PAMR1: variants seen among roughly 807,000 people sequenced by gnomAD.
The protein encoded by PAMR1 is peptidase domain containing associated with muscle regeneration 1.
A neutral mutation model predicts 81.8 loss-of-function variants in PAMR1; 88 were observed. The ratio of observed to expected loss-of-function variants is 1.08; its 90% CI spans 0.91 to 1.28. The LOEUF (loss-of-function observed/expected upper bound fraction) is 1.28. PAMR1 is among the 50% of genes most tolerant of loss of function. The pLI is 0.00. For missense variants in PAMR1, 935 were observed against 919.7 expected (o/e 1.02, Z -0.21); for synonymous variants, 336 against 345.3 (o/e 0.97, Z 0.30).
Position 35,484,433 on chromosome 11 carries a change from C to T in PAMR1, c.379+7612G>A, listed in dbSNP as rs572209632. ...GAGATGAGGCAGCTTTCAGTAACTCCACCCTAGGCGATTCCGCAGCTCCCC... is the reference window on the plus strand; with the variant it reads ...GAGATGAGGCAGCTTTCAGTAACTCTACCCTAGGCGATTCCGCAGCTCCCC... On this transcript the variant is annotated intron_variant, in intron 3 of 10. Coordinates refer to ENST00000619888, the MANE Select transcript of PAMR1 (RefSeq NM_001001991.3). Among the ~76,000 whole-genome samples the T allele has an allele frequency of 2.1e-4, 32 of 152,340 alleles. No homozygotes were observed. The South Asian group carries it at 6.2e-3, about 30-fold the overall frequency.
intron 5 of PAMR1, 136 bp from the exon 6 acceptor site, chr11:35,468,244 G>A (rs1419791857): frequency 5.2e-6 from 3 of 581,878 alleles, no homozygotes; most frequent in Non-Finnish European, 9.3e-6. Flanking sequence ...CTGAATTCAT[G>A]TTATGATTAT....
At chr11:35,522,214 G>GC (rs1177923997) in intron 1 of PAMR1, among the ~76,000 whole-genome samples, 3 of 152,122 alleles carry the variant, frequency 2.0e-5, no homozygotes, top group Non-Finnish European at 4.4e-5. Flanking sequence ...GAGCCACTGC[G>GC]CCTGCCTCAA....
At position 35,525,561 on chromosome 11, in the gene PAMR1, A is replaced by G; in HGVS notation, c.25T>C (p.Leu9=). 1 of 1,613,906 alleles carries G rather than the reference A, an allele frequency of 6.2e-7. No homozygotes were observed. Among genetic ancestry groups the G allele is most frequent in the South Asian group, 1.1e-5 (1 of 91,022 alleles). The change falls in exon 1 of 11, where the codon TTG becomes CTG. Residue 9 remains leucine, a synonymous_variant. Transcript: ENST00000619888. ...AGGAGCTGAAGAAAAGTGAGCCCCA[A>G]CTGCGTCCAGCAACCCAGCTCCATC... MELGCWTQ[L]GLTFLQLLLI... is the part of the protein sequence containing the mutation.
chr11:35,470,764 C>T lies in PAMR1; in HGVS notation c.549G>A (p.Glu183=), dbSNP rs747539428. The change falls in exon 5 of 11, where the codon GAG becomes GAA. Residue 183 remains glutamate, a synonymous_variant. Coordinates refer to ENST00000619888, the MANE Select transcript of PAMR1 (RefSeq NM_001001991.3). The stretch of plus-strand genomic sequence containing the variant: ...CATCGCGGTTGTCTCCATCACGAAC[C>T]TCAACATAGTCATACTGGCACATGT... ...FDYMCQYDYV[E]VRDGDNRDGQ... 6.2e-7 allele frequency: 1 copy of T among 1,614,140 alleles called. No homozygotes were observed. The highest frequency in any genetic ancestry group is 8.5e-7 in the Non-Finnish European group (1 of 1,179,994).
chr11:35,435,934 C>CT lies in PAMR1; in HGVS notation c.1301dup (p.Trp435ValfsTer16). The CT allele has an allele frequency of 6.2e-7, 1 of 1,614,220 alleles. No homozygotes were observed. Among genetic ancestry groups the CT allele is most frequent in the Non-Finnish European group, 8.5e-7 (1 of 1,180,022 alleles). ...TGCAGGATGGTGCCCGCCCACTCCA[C>CT]TTCCCAGTCCTCAGACATGTCCTCC... On this transcript the variant is annotated frameshift_variant, in exon 9 of 11. Transcript: ENST00000619888. LOFTEE classifies it high-confidence loss of function.
At chr11:35,490,611 A>AC (rs1011310180) in intron 3 of PAMR1, among the ~76,000 whole-genome samples, 1 of 152,178 alleles carries the variant, frequency 6.6e-6, no homozygotes, top group African/African-American at 2.4e-5. Context: ...ACATAGTAGG[A>AC]CCCCATCTCG....
chr11:35,464,355 C>A (rs1856719500), intron 6 of PAMR1, among the ~76,000 whole-genome samples: 1 of 152,102 alleles, frequency 6.6e-6, no homozygotes, highest in Non-Finnish European at 1.5e-5. Context: ...AACATGGGGA[C>A]TGAAAATAAA....
chr11:35,472,496 G>A (rs1342107266), intron 4 of PAMR1, among the ~76,000 whole-genome samples: 1 of 152,188 alleles, frequency 6.6e-6, no homozygotes, highest in Non-Finnish European at 1.5e-5. Flanking sequence ...TAGATAATAA[G>A]CAAGGAGACT....
intron 6 of PAMR1, among the ~76,000 whole-genome samples, chr11:35,445,771 A>G (rs1387446881): frequency 6.6e-6 from 1 of 152,214 alleles, no homozygotes; most frequent in East Asian, 1.9e-4. Flanking sequence ...GATGTTTATC[A>G]GGGATATTGG....
rs558913411 is a variant in PAMR1, at chr11:35,480,972, G to C, written c.380-6228C>G. Among the ~76,000 whole-genome samples the C allele has an allele frequency of 2.6e-5, 4 of 152,286 alleles. No homozygotes were observed. The South Asian group carries it at 6.2e-4, about 24-fold the overall frequency. ...ATGTGGTGGTTGGTTTTCTGTTCCTGTGTTAGTTTGCTGAGGATGATGGCT... is the reference window on the plus strand; with the variant it reads ...ATGTGGTGGTTGGTTTTCTGTTCCTCTGTTAGTTTGCTGAGGATGATGGCT... On this transcript the variant is annotated intron_variant, in intron 3 of 10. Coordinates refer to ENST00000619888, the MANE Select transcript of PAMR1 (RefSeq NM_001001991.3).
intron 6 of PAMR1, among the ~76,000 whole-genome samples, chr11:35,446,543 T>C (rs1436386808): frequency 6.6e-6 from 1 of 152,222 alleles, no homozygotes; most frequent in Non-Finnish European, 1.5e-5. Flanking sequence ...TGTCTGTTTG[T>C]TCTCATTGGT....
chr11:35,460,048 C>T (rs1025909706), intron 6 of PAMR1, among the ~76,000 whole-genome samples: 3 of 152,236 alleles, frequency 2.0e-5, no homozygotes, highest in Non-Finnish European at 4.4e-5. Context: ...TGCTTTAGTA[C>T]ATGGATACCA....
chr11:35,477,863 G>A (rs1850310539), intron 3 of PAMR1, among the ~76,000 whole-genome samples: 1 of 152,050 alleles, frequency 6.6e-6, no homozygotes, highest in Non-Finnish European at 1.5e-5. Context: ...ATTTTTGCCC[G>A]CTCCCTTTTT....
At chr11:35,478,959 C>T (rs1850332286) in intron 3 of PAMR1, among the ~76,000 whole-genome samples, 1 of 152,114 alleles carries the variant, frequency 6.6e-6, no homozygotes, top group Admixed American at 6.6e-5. Context: ...CGTGCCCAAA[C>T]AGGAGGGGCG....
At chr11:35,500,244 C>T (rs1008342627) in intron 1 of PAMR1, among the ~76,000 whole-genome samples, 3 of 152,182 alleles carry the variant, frequency 2.0e-5, no homozygotes. Flanking sequence ...GACTAACATA[C>T]TGGGACTTCT....
chr11:35,468,665 A>G (rs1422726007), intron 5 of PAMR1, among the ~76,000 whole-genome samples: 1 of 152,134 alleles, frequency 6.6e-6, no homozygotes, highest in African/African-American at 2.4e-5. Flanking sequence ...CTGACATTCA[A>G]TGCTAATTAA....
At chr11:35,523,661 C>T (rs1851327048) in intron 1 of PAMR1, among the ~76,000 whole-genome samples, 1 of 152,234 alleles carries the variant, frequency 6.6e-6, no homozygotes, top group Non-Finnish European at 1.5e-5. Flanking sequence ...GGGCCAGATT[C>T]AGCATCCCAG....
chr11:35,511,446 T>C (rs574537099), intron 1 of PAMR1, among the ~76,000 whole-genome samples: 2 of 152,250 alleles, frequency 1.3e-5, no homozygotes, highest in Admixed American at 6.5e-5. Flanking sequence ...CCAGACCAAA[T>C]AGAAACATCA....
In PAMR1 at chr11:35,432,863, A is replaced by T. The variant is rs1229269860; in HGVS notation, c.1656T>A (p.Tyr552Ter). 6.3e-7 allele frequency: 1 copy of T among 1,590,192 alleles called. No homozygotes were observed. The highest frequency in any genetic ancestry group is 2.2e-5 in the East Asian group (1 of 44,702). The change falls in exon 11 of 11, where the codon TAT (tyrosine) becomes TAA (stop). Residue 552 changes from tyrosine (Y) to a stop codon, truncating the protein, a stop_gained. Transcript: ENST00000619888. LOFTEE classifies it high-confidence loss of function. ...TGTCAGCATCAAGCAGGATGGGGTC[A>T]TAGTTGGGATGCAGAATGATAGCAG... ...QISAIILHPN[Y>*]DPILLDADIA...
Sources: gnomAD v4.1 joint callset for allele counts (sites outside exome capture counted in the v4.1 genomes callset) on GRCh38, gnomAD v4.1.1 for gene constraint, MANE v1.5 for transcripts, NCBI Gene and HGNC (gene_info 2026-07-23, HGNC 2026-07-21) for gene names.